Variants in STX8 observed in about 807,000 individuals in gnomAD.
STX8 encodes syntaxin 8.
A neutral mutation model predicts 37.5 loss-of-function variants in STX8; 23 were observed. That is an observed-to-expected ratio of 0.61 (90% CI 0.44 to 0.87). STX8 has a LOEUF of 0.87. Ranked by LOEUF, STX8 falls within the 40% of genes least tolerant of loss-of-function variation. STX8 has a pLI of 0.00. For missense variants in STX8, 313 were observed against 284.7 expected (o/e 1.10, Z -0.71); for synonymous variants, 115 against 99.1 (o/e 1.16, Z -0.95).
At chr17:9,429,982 A>ATATATTC (rs1160481477) in intron 6 of STX8, among the ~76,000 whole-genome samples, 13 of 48 alleles carry the variant, frequency 0.27, 3 homozygotes, top group East Asian at 0.58. Context: ...ATTATATAGA[A>ATATATTC]TATATTATAT....
At chr17:9,492,033 AAAGAG>A (rs1363061129) in intron 5 of STX8, 112 bp from the exon 6 acceptor site, 9 of 660,644 alleles carry the variant, frequency 1.4e-5, no homozygotes, top group Admixed American at 3.5e-5. Flanking sequence ...TCAGGAAAAA[AAAGAG>A]AAAAGAGTTA....
Position 9,284,595 on chromosome 17 carries a change from T to A in STX8, c.644-33950A>T, listed in dbSNP as rs59952378. On this transcript the variant is annotated intron_variant, in intron 7 of 7. Transcript: ENST00000306357. ...TGAGCAATGACAGTTGTTTAAAAAA[T>A]TTTTTTTCTTTAAAAGTGTATAAAG... Among the ~76,000 whole-genome samples the A allele has an allele frequency of 1.4e-3, 216 of 152,154 alleles. 1 individual carries two copies. The highest frequency in any genetic ancestry group is 4.8e-3 in the African/African-American group (198 of 41,512).
At chr17:9,255,878 C>G (rs2142120361) in intron 7 of STX8, among the ~76,000 whole-genome samples, 1 of 152,306 alleles carries the variant, frequency 6.6e-6, no homozygotes, top group East Asian at 1.9e-4. Context: ...GTTTATCTAC[C>G]TTAGCACGGC....
rs1029373756 is a variant in STX8 at position 9,485,589 on chromosome 17, T to C, written c.541+6240A>G. Among the ~76,000 whole-genome samples, 3 of 123,754 alleles carry C rather than the reference T, an allele frequency of 2.4e-5. No individual in the cohort carries two copies. The East Asian group carries it at 2.5e-3, about 101-fold the overall frequency. 81.2% of individuals were successfully genotyped at this position (123,754 alleles called of 152,430 possible). ...TCTTTGTTTTTGTTTTTTTGTTTTT[T>C]GGTTTTTTTTTTTTGAGACAGAGTC... On this transcript the variant is annotated intron_variant, in intron 6 of 7. Coordinates refer to ENST00000306357, the MANE Select transcript of STX8 (RefSeq NM_004853.3).
chr17:9,545,181 T>G lies in STX8; in HGVS notation c.314A>C (p.Asp105Ala), dbSNP rs1189405292. 1 of 1,612,780 alleles carries G rather than the reference T, an allele frequency of 6.2e-7. No individual in the cohort carries two copies. The highest frequency in any genetic ancestry group is 1.3e-5 in the African/African-American group (1 of 74,868). Residue 105 changes from aspartate (D) to alanine (A), a missense_variant, in exon 4 of 8, where the codon GAT (aspartate) becomes GCT (alanine). Transcript: ENST00000306357. ...ASFKNEGAEP[D>A]LIRSSLMSEE... Reference sequence around the variant, plus strand: ...AATAAAAACATCCTACCTGATTAGATCTGGTTCGGCACCCTCATTCTTAAA... The same window carrying G: ...AATAAAAACATCCTACCTGATTAGAGCTGGTTCGGCACCCTCATTCTTAAA...
chr17:9,474,350 A>AG (rs35255518), intron 6 of STX8, among the ~76,000 whole-genome samples: 2 of 152,090 alleles, frequency 1.3e-5, no homozygotes, highest in Non-Finnish European at 2.9e-5. Context: ...CAAATCCTGA[A>AG]GGGGGGTCAT....
At chr17:9,370,698 G>A (rs547302945) in intron 7 of STX8, among the ~76,000 whole-genome samples, 8 of 152,254 alleles carry the variant, frequency 5.3e-5, no homozygotes, top group African/African-American at 1.2e-4. Flanking sequence ...ACATCCACCC[G>A]AGTCATTCAG....
chr17:9,480,110 T>C (rs540064157), intron 6 of STX8, among the ~76,000 whole-genome samples: 3 of 152,362 alleles, frequency 2.0e-5, no homozygotes, highest in East Asian at 1.9e-4. Flanking sequence ...AATAGGTCCC[T>C]GTGTTATCAC....
chr17:9,422,395 C>T (rs1913470558), intron 6 of STX8, among the ~76,000 whole-genome samples: 1 of 152,220 alleles, frequency 6.6e-6, no homozygotes, highest in Non-Finnish European at 1.5e-5. Flanking sequence ...GTGTGAGCCA[C>T]CATGCCTGGC....
At chr17:9,369,351 C>A (rs963948292) in intron 7 of STX8, among the ~76,000 whole-genome samples, 5 of 152,038 alleles carry the variant, frequency 3.3e-5, no homozygotes, top group Admixed American at 3.3e-4. Context: ...CCTCAATGAA[C>A]CATGATAAGG....
chr17:9,280,341 C>G (rs1242852702), intron 7 of STX8, among the ~76,000 whole-genome samples: 1 of 152,238 alleles, frequency 6.6e-6, no homozygotes, highest in Admixed American at 6.5e-5. Context: ...GGGTGGATCA[C>G]TTAAAGTCAG....
At chr17:9,299,210 C>T (rs1162949007) in intron 7 of STX8, among the ~76,000 whole-genome samples, 3 of 152,084 alleles carry the variant, frequency 2.0e-5, no homozygotes, top group South Asian at 2.1e-4. Context: ...CCTTTTCTCC[C>T]GGATGCATAG....
At chr17:9,537,021 T>C (rs1418392250) in intron 4 of STX8, among the ~76,000 whole-genome samples, 1 of 152,170 alleles carries the variant, frequency 6.6e-6, no homozygotes, top group Admixed American at 6.5e-5. Context: ...GCGCTGGGAT[T>C]ACAGGCATGA....
At chr17:9,556,662 G>A (rs140883614) in intron 3 of STX8, among the ~76,000 whole-genome samples, 3 of 150,330 alleles carry the variant, frequency 2.0e-5, no homozygotes, top group Non-Finnish European at 3.0e-5. Context: ...GGCTGGTCTC[G>A]AACTCCTGGC....
chr17:9,271,220 G>A (rs911248575), intron 7 of STX8, among the ~76,000 whole-genome samples: 5 of 152,316 alleles, frequency 3.3e-5, no homozygotes, highest in East Asian at 1.9e-4. Context: ...TTGGGAGGCC[G>A]AAGCGGGCGG....
chr17:9,338,048 A>ACTT (rs1388436382), intron 7 of STX8, among the ~76,000 whole-genome samples: 1 of 107,886 alleles, frequency 9.3e-6, no homozygotes, highest in Non-Finnish European at 1.9e-5. Context: ...CCTCTGAAGG[A>ACTT]TTTTTTTTTT....
intron 6 of STX8, among the ~76,000 whole-genome samples, chr17:9,379,841 G>A (rs2142286166): frequency 6.6e-6 from 1 of 152,078 alleles, no homozygotes; most frequent in African/African-American, 2.4e-5. Flanking sequence ...GGTGGCGCAT[G>A]CCTGTAATCC....
At chr17:9,568,576 C>A (rs1460959588) in intron 1 of STX8, 106 bp from the exon 2 acceptor site, 1 of 814,716 alleles carries the variant, frequency 1.2e-6, no homozygotes, top group African/African-American at 1.7e-5. Flanking sequence ...TCTCAGCTCA[C>A]TGCAAGCTCT....
chr17:9,440,072 T>C (rs1010516608), intron 6 of STX8, among the ~76,000 whole-genome samples: 25 of 152,076 alleles, frequency 1.6e-4, no homozygotes, highest in African/African-American at 5.8e-4. Context: ...ATAAAGTAGG[T>C]CATTTCCAGA....
Sources: allele counts gnomAD v4.1 joint callset (sites outside exome capture counted in the v4.1 genomes callset), GRCh38; gene constraint gnomAD v4.1.1; transcripts MANE v1.5; gene names NCBI Gene and HGNC (gene_info 2026-07-23, HGNC 2026-07-21).